Variants in ROR2 observed in about 807,000 individuals in gnomAD.
ROR2 encodes ROR family WNT receptor 2.
In ROR2, 33 loss-of-function variants were observed where a neutral mutation model predicts 74.9. The ratio of observed to expected loss-of-function variants is 0.44; its 90% CI spans 0.33 to 0.59. ROR2 has a LOEUF of 0.59. Among genes scored for constraint, ROR2 ranks in the 20% least tolerant of loss-of-function variants. The pLI, the probability that ROR2 is intolerant of heterozygous loss-of-function variation, is 0.02. For synonymous variants in ROR2, 586 were observed against 558.7 expected (o/e 1.05, Z -0.69); for missense variants, 1,216 against 1,313.8 (o/e 0.93, Z 1.15).
intron 3 of ROR2, 27 bp downstream of exon 3, chr9:91,757,245 C>T: frequency 6.2e-7 from 1 of 1,613,650 alleles, no homozygotes; most frequent in South Asian, 1.1e-5. Context: ...TATCTGCTAA[C>T]CCACACAATT....
Position 91,843,936 on chromosome 9 carries a change from C to T in ROR2, c.98-68118G>A, listed in dbSNP as rs1179274349. The stretch of plus-strand genomic sequence containing the variant: ...AACCCTGGGATGCCGGCCCTGCTGT[C>T]TGCACCTCTGGCCTCTGAAGGCCAC... On this transcript the variant is annotated intron_variant, in intron 1 of 8. Transcript: ENST00000375708. Among the ~76,000 whole-genome samples the T allele has an allele frequency of 4.6e-4, 70 of 152,396 alleles. 1 individual carries two copies. Among genetic ancestry groups the T allele is most frequent in the Non-Finnish European group, 4.4e-5 (3 of 68,044 alleles).
intron 1 of ROR2, among the ~76,000 whole-genome samples, chr9:91,879,199 G>T (rs917922916): frequency 6.6e-6 from 1 of 152,160 alleles, no homozygotes; most frequent in Non-Finnish European, 1.5e-5. Flanking sequence ...TCCAGGAAGG[G>T]AGATGAGTAA....
At chr9:91,805,240 T>G (rs111910246) in intron 1 of ROR2, among the ~76,000 whole-genome samples, 5,488 of 152,294 alleles carry the variant, frequency 0.036, 134 homozygotes, top group Middle Eastern at 0.095. Context: ...GACAGTCACA[T>G]GGCCATGCAG....
chr9:91,736,064 T>A (rs2118720018), intron 5 of ROR2, among the ~76,000 whole-genome samples: 1 of 152,350 alleles, frequency 6.6e-6, no homozygotes, highest in Non-Finnish European at 1.5e-5. Flanking sequence ...TATTCTCTAT[T>A]TTCCACTGTG....
At chr9:91,908,545 G>A (rs1394467857) in intron 1 of ROR2, among the ~76,000 whole-genome samples, 1 of 152,074 alleles carries the variant, frequency 6.6e-6, no homozygotes, top group Non-Finnish European at 1.5e-5. Flanking sequence ...GGTAGATAGG[G>A]ACCAGGTACT....
In ROR2 at chr9:91,872,516, T is replaced by C. The variant is rs574357035; in HGVS notation, c.97+77351A>G. 1.5e-3 allele frequency among the ~76,000 whole-genome samples: 223 copies of C among 152,326 alleles called. 2 individuals carry two copies. Among genetic ancestry groups the C allele is most frequent in the Middle Eastern group, 0.01 (3 of 294 alleles). ...TTGTTCTATTTTTTTCCTGTACAGA[T>C]TTTTATGAGGCTACTAGTAAGTTAC... On this transcript the variant is annotated intron_variant, in intron 1 of 8. Coordinates refer to ENST00000375708, the MANE Select transcript of ROR2 (RefSeq NM_004560.4).
chr9:91,835,445 CAGA>C (rs1304903806), intron 1 of ROR2, among the ~76,000 whole-genome samples: 7 of 152,124 alleles, frequency 4.6e-5, no homozygotes, highest in African/African-American at 1.2e-4. Flanking sequence ...ACTGGAAAAG[CAGA>C]AGGAGCAAAA....
At chr9:91,942,230 C>G (rs1169218985) in intron 1 of ROR2, among the ~76,000 whole-genome samples, 1 of 152,168 alleles carries the variant, frequency 6.6e-6, no homozygotes, top group Non-Finnish European at 1.5e-5. Context: ...CTCTCTTCCC[C>G]AGATAGAAAG....
In ROR2 at chr9:91,824,852, C is replaced by T. The variant is rs112186342; in HGVS notation, c.98-49034G>A. ...AGCCTGCCCTGGCAGGAGGGGGTGA[C>T]GGGCAAGGCCTCTTGCCAGCTGTAT... is the stretch of plus-strand genomic sequence containing the variant. On this transcript the variant is annotated intron_variant, in intron 1 of 8. Coordinates refer to ENST00000375708, the MANE Select transcript of ROR2 (RefSeq NM_004560.4). Among the ~76,000 whole-genome samples the T allele has an allele frequency of 3.0e-3, 463 of 152,300 alleles. 4 individuals are homozygous for T. The highest frequency in any genetic ancestry group is 9.9e-3 in the African/African-American group (411 of 41,566).
Position 91,723,606 on chromosome 9 carries a change from G to T in ROR2, c.*56C>A, listed in dbSNP as rs1836872326. ...TGGTGTCTTCTCAAAGGTGACTGAG[G>T]TCCCTGTGGGGTCTCGGCGGGGCTT... On this transcript the variant is annotated 3_prime_UTR_variant, in exon 9 of 9. Transcript: ENST00000375708. 6 of 1,599,456 alleles carry T rather than the reference G, an allele frequency of 3.8e-6. No homozygotes were observed. Among genetic ancestry groups the T allele is most frequent in the Non-Finnish European group, 5.1e-6 (6 of 1,174,950 alleles).
chr9:91,917,529 T>A (rs1246753029), intron 1 of ROR2, among the ~76,000 whole-genome samples: 1 of 152,108 alleles, frequency 6.6e-6, no homozygotes, highest in Admixed American at 6.5e-5. Context: ...GCATCATCTG[T>A]GCTGAAAAGG....
rs988659335 is a variant in ROR2, at chr9:91,840,704, G to A, written c.98-64886C>T. Among the ~76,000 whole-genome samples the A allele has an allele frequency of 2.0e-5, 3 of 152,182 alleles. No individual in the cohort carries two copies. The East Asian group carries it at 5.8e-4, about 29-fold the overall frequency. On this transcript the variant is annotated intron_variant, in intron 1 of 8. Coordinates refer to ENST00000375708, the MANE Select transcript of ROR2 (RefSeq NM_004560.4). The stretch of plus-strand genomic sequence containing the variant: ...CACCAACAACCAAGACAGGTGAGGC[G>A]GTGATGGCCAGAACCAAATGCCAGC...
intron 1 of ROR2, among the ~76,000 whole-genome samples, chr9:91,785,781 G>A (rs1252694417): frequency 6.6e-6 from 1 of 152,196 alleles, no homozygotes; most frequent in Non-Finnish European, 1.5e-5. Flanking sequence ...CAACACTGGA[G>A]AGCACTGACC....
chr9:91,804,610 A>G (rs3802380), intron 1 of ROR2, among the ~76,000 whole-genome samples: 27,061 of 152,184 alleles, frequency 0.18, 4,719 homozygotes, highest in East Asian at 0.47. Flanking sequence ...CTTCAGTTCC[A>G]GGCATGCCTT....
chr9:91,838,526 G>C (rs1195471269), intron 1 of ROR2, among the ~76,000 whole-genome samples: 1 of 152,194 alleles, frequency 6.6e-6, no homozygotes, highest in Non-Finnish European at 1.5e-5. Flanking sequence ...AACACCCTGA[G>C]ATCGGACTGC....
intron 1 of ROR2, among the ~76,000 whole-genome samples, chr9:91,909,178 AGCATGGGT>A (rs1830890476): frequency 6.6e-6 from 1 of 152,256 alleles, no homozygotes; most frequent in Non-Finnish European, 1.5e-5. Flanking sequence ...GGGATCTCAT[AGCATGGGT>A]GCATTTCCTC....
intron 1 of ROR2, among the ~76,000 whole-genome samples, chr9:91,782,676 C>T (rs1435660814): frequency 1.3e-5 from 2 of 151,324 alleles, no homozygotes; most frequent in South Asian, 2.1e-4. Context: ...GCATGTGCCA[C>T]GGGTTAGACA....
At chr9:91,794,980 G>A (rs912083849) in intron 1 of ROR2, among the ~76,000 whole-genome samples, 4 of 151,488 alleles carry the variant, frequency 2.6e-5, no homozygotes, top group African/African-American at 9.7e-5. Flanking sequence ...AGATTAGCTG[G>A]GTGTGGTGGC....
At chr9:91,906,838 C>T (rs148009428) in intron 1 of ROR2, among the ~76,000 whole-genome samples, 3 of 152,242 alleles carry the variant, frequency 2.0e-5, no homozygotes, top group South Asian at 2.1e-4. Context: ...AGCTTTAGAG[C>T]GCCTAGAACT....
Sources: allele counts gnomAD v4.1 joint callset (sites outside exome capture counted in the v4.1 genomes callset), GRCh38; gene constraint gnomAD v4.1.1; transcripts MANE v1.5; gene names NCBI Gene and HGNC (gene_info 2026-07-23, HGNC 2026-07-21).